Variants in ADARB2 observed in about 807,000 individuals in gnomAD.
ADARB2 encodes the protein adenosine deaminase RNA specific B2 (inactive).
ADARB2 carries 25 observed loss-of-function variants against 62.2 expected under a neutral mutation model. The observed-to-expected ratio is 0.40, with a 90% confidence interval of 0.29 to 0.56. The LOEUF is 0.56. Among genes scored for constraint, ADARB2 ranks in the 20% least tolerant of loss-of-function variants. The pLI, the probability that ADARB2 is intolerant of heterozygous loss-of-function variation, is 0.43. For missense variants in ADARB2, 1,071 were observed against 1,077.4 expected (o/e 0.99, Z 0.08); for synonymous variants, 572 against 500.8 (o/e 1.14, Z -1.90).
intron 7 of ADARB2, among the ~76,000 whole-genome samples, chr10:1,205,932 C>T (rs1002595915): frequency 2.0e-5 from 3 of 148,062 alleles, no homozygotes; most frequent in African/African-American, 5.1e-5. Context: ...CGGGGCAGCC[C>T]GCTGGGGTCA....
At chr10:1,552,337 TGGGGCATTA>T (rs1832637237) in intron 1 of ADARB2, among the ~76,000 whole-genome samples, 2 of 152,126 alleles carry the variant, frequency 1.3e-5, no homozygotes, top group Non-Finnish European at 2.9e-5. Flanking sequence ...GCCCTGTCCT[TGGGGCATTA>T]GGGGCATGAA....
intron 1 of ADARB2, among the ~76,000 whole-genome samples, chr10:1,513,766 G>A (rs983151618): frequency 6.6e-6 from 1 of 152,142 alleles, no homozygotes; most frequent in Non-Finnish European, 1.5e-5. Context: ...GGTAGAGTTG[G>A]ATCACAGCTA....
At chr10:1,314,956 C>T (rs369709546) in intron 3 of ADARB2, among the ~76,000 whole-genome samples, 5 of 152,152 alleles carry the variant, frequency 3.3e-5, no homozygotes, top group Non-Finnish European at 7.4e-5. Flanking sequence ...GGGAAGTTCA[C>T]GCAGAGGGTG....
intron 1 of ADARB2, among the ~76,000 whole-genome samples, chr10:1,734,870 A>G (rs933161379): frequency 2.0e-5 from 3 of 152,228 alleles, no homozygotes; most frequent in African/African-American, 7.2e-5. Context: ...TTAGAACATA[A>G]TTTAAACTCA....
intron 1 of ADARB2, among the ~76,000 whole-genome samples, chr10:1,524,441 C>T (rs1302892041): frequency 6.6e-6 from 1 of 152,170 alleles, no homozygotes; most frequent in Non-Finnish European, 1.5e-5. Flanking sequence ...ATCTTCTGGG[C>T]AATTTTCAGA....
intron 1 of ADARB2, among the ~76,000 whole-genome samples, chr10:1,455,321 GT>G (rs1480455329): frequency 6.6e-6 from 1 of 152,190 alleles, no homozygotes; most frequent in Non-Finnish European, 1.5e-5. Flanking sequence ...AATTTAAAAT[GT>G]TAATTTAAAA....
chr10:1,375,474 A>C (rs1832414007), intron 2 of ADARB2, among the ~76,000 whole-genome samples: 1 of 152,140 alleles, frequency 6.6e-6, no homozygotes, highest in Non-Finnish European at 1.5e-5. Flanking sequence ...CCCGCTCTGC[A>C]CCCTTAGATG....
chr10:1,545,587 C>T (rs561812969), intron 1 of ADARB2, among the ~76,000 whole-genome samples: 9 of 152,300 alleles, frequency 5.9e-5, no homozygotes, highest in African/African-American at 9.6e-5. Context: ...AAGATGGCCT[C>T]GGTTAGCCAG....
rs970632097 is a variant in ADARB2 at position 1,604,293 on chromosome 10, C to A, written c.100+132758G>T. On this transcript the variant is annotated intron_variant, in intron 1 of 9. Coordinates refer to ENST00000381312, the MANE Select transcript of ADARB2 (RefSeq NM_018702.4). ...CTCCAGAAGTTAGTGAATGTCAGAGCCTTTTTTGCATTATCTCATTTTAAT... is the reference window on the plus strand; with the variant it reads ...CTCCAGAAGTTAGTGAATGTCAGAGACTTTTTTGCATTATCTCATTTTAAT... Among the ~76,000 whole-genome samples, 3 of 152,182 alleles carry A rather than the reference C, an allele frequency of 2.0e-5. No homozygotes were observed. The East Asian group carries it at 5.8e-4, about 29-fold the overall frequency.
chr10:1,586,260 C>T (rs1833179532), intron 1 of ADARB2, among the ~76,000 whole-genome samples: 1 of 152,172 alleles, frequency 6.6e-6, no homozygotes, highest in Non-Finnish European at 1.5e-5. Flanking sequence ...AAGTCCAACC[C>T]AGTTCTTCTG....
chr10:1,684,018 G>T (rs568276504), intron 1 of ADARB2, among the ~76,000 whole-genome samples: 1 of 152,220 alleles, frequency 6.6e-6, no homozygotes, highest in African/African-American at 2.4e-5. Flanking sequence ...ATGCCTGTGC[G>T]CTGTGATCAC....
At chr10:1,633,082 CT>C (rs1008901593) in intron 1 of ADARB2, among the ~76,000 whole-genome samples, 2 of 152,146 alleles carry the variant, frequency 1.3e-5, no homozygotes, top group Admixed American at 1.3e-4. Flanking sequence ...GCTTCCTCTC[CT>C]GCTTTTCCTG....
intron 1 of ADARB2, among the ~76,000 whole-genome samples, chr10:1,484,654 C>A (rs1831519509): frequency 6.6e-6 from 1 of 152,190 alleles, no homozygotes; most frequent in Non-Finnish European, 1.5e-5. Flanking sequence ...CATTGCCTTT[C>A]TGCATAGGTA....
intron 1 of ADARB2, among the ~76,000 whole-genome samples, chr10:1,658,800 C>T (rs971172454): frequency 9.9e-5 from 15 of 152,216 alleles, no homozygotes; most frequent in African/African-American, 2.7e-4. Context: ...GCCTTTGTGT[C>T]GTGTGCTCTG....
chr10:1,231,242 T>A (rs1293299258), intron 6 of ADARB2, among the ~76,000 whole-genome samples: 1 of 152,184 alleles, frequency 6.6e-6, no homozygotes, highest in African/African-American at 2.4e-5. Flanking sequence ...ACTTTTCCTC[T>A]CAATTCTGAG....
At chr10:1,696,260 GTATGTGCC>G (rs1390061456) in intron 1 of ADARB2, among the ~76,000 whole-genome samples, 1 of 150,174 alleles carries the variant, frequency 6.7e-6, no homozygotes, top group Non-Finnish European at 1.5e-5. Flanking sequence ...TGTGCATTGT[GTATGTGCC>G]TGTTTGTGTG....
chr10:1,583,967 A>G (rs2132002789), intron 1 of ADARB2, among the ~76,000 whole-genome samples: 1 of 152,350 alleles, frequency 6.6e-6, no homozygotes, highest in Non-Finnish European at 1.5e-5. Context: ...CACAAATCTA[A>G]CAGCTTTTGT....
At chr10:1,484,546 A>G (rs983383002) in intron 1 of ADARB2, among the ~76,000 whole-genome samples, 3 of 152,236 alleles carry the variant, frequency 2.0e-5, no homozygotes, top group Non-Finnish European at 4.4e-5. Flanking sequence ...GAAGAAGCTT[A>G]AGCCATTCCT....
At chr10:1,280,581 A>T (rs1831361324) in intron 3 of ADARB2, among the ~76,000 whole-genome samples, 1 of 151,096 alleles carries the variant, frequency 6.6e-6, no homozygotes, top group South Asian at 2.1e-4. Flanking sequence ...TTCCTAAGTG[A>T]CGCTCCGTGA....
Sources: gnomAD v4.1 joint callset for allele counts (sites outside exome capture counted in the v4.1 genomes callset) on GRCh38, gnomAD v4.1.1 for gene constraint, MANE v1.5 for transcripts, NCBI Gene and HGNC (gene_info 2026-07-23, HGNC 2026-07-21) for gene names.